CRACR2A: variants seen among roughly 807,000 people sequenced by gnomAD.
The protein encoded by CRACR2A is calcium release activated channel regulator 2A, also known as EF-hand calcium-binding domain-containing protein 4B.
In CRACR2A, 79 loss-of-function variants were observed where a neutral mutation model predicts 90.5. The ratio of observed to expected loss-of-function variants is 0.87; its 90% confidence interval spans 0.73 to 1.05. The LOEUF (loss-of-function observed/expected upper bound fraction) is 1.05, where lower values mean the gene tolerates loss of function less well. Ranked by LOEUF, CRACR2A falls within the 50% of genes least tolerant of loss-of-function variation. The probability of loss-of-function intolerance (pLI) is 0.00; values close to 1 mark genes in which losing one functional copy is unlikely to be tolerated. For missense variants in CRACR2A, 823 were observed against 897.2 expected, an observed-to-expected ratio of 0.92 and a Z score of 1.06; for synonymous variants, 338 against 356.7, an observed-to-expected ratio of 0.95 and a Z score of 0.59.
intron 4 of CRACR2A, among the ~76,000 whole-genome samples, chr12:3,684,513 C>T (rs1036782623): frequency 4.6e-5 from 7 of 152,178 alleles, no homozygotes; most frequent in African/African-American, 1.7e-4. Flanking sequence ...TAGCCTTTGC[C>T]TGCTAAACGC....
At chr12:3,658,026 A>G (rs1258422858) in intron 8 of CRACR2A, among the ~76,000 whole-genome samples, 5 of 152,198 alleles carry the variant, frequency 3.3e-5, no homozygotes, top group Non-Finnish European at 1.5e-5. Flanking sequence ...CTAATGGCTT[A>G]ATAGTGCTGC....
intron 17 of CRACR2A, among the ~76,000 whole-genome samples, chr12:3,626,466 A>C (rs1246355493): frequency 6.6e-6 from 1 of 152,232 alleles, no homozygotes; most frequent in Non-Finnish European, 1.5e-5. Flanking sequence ...CAGCATGATA[A>C]ATATGTGATG....
At chr12:3,692,659 C>A (rs1007858740) in intron 4 of CRACR2A, among the ~76,000 whole-genome samples, 4 of 152,104 alleles carry the variant, frequency 2.6e-5, no homozygotes, top group African/African-American at 9.7e-5. Flanking sequence ...GTGGCAGCAG[C>A]ATGGTGGGGT....
intron 19 of CRACR2A, among the ~76,000 whole-genome samples, chr12:3,616,340 G>C (rs1488292814): frequency 2.0e-5 from 3 of 152,264 alleles, no homozygotes; most frequent in Non-Finnish European, 4.4e-5. Context: ...TGAAGGCCTA[G>C]ATGGATGAAT....
intron 1 of CRACR2A, among the ~76,000 whole-genome samples, chr12:3,736,653 C>T (rs1946455442): frequency 6.6e-6 from 1 of 152,060 alleles, no homozygotes; most frequent in South Asian, 2.1e-4. Context: ...TCATGCAGGA[C>T]ACTAACATTT....
At chr12:3,645,537 G>A (rs1303972290) in intron 11 of CRACR2A, among the ~76,000 whole-genome samples, 2 of 152,198 alleles carry the variant, frequency 1.3e-5, no homozygotes, top group African/African-American at 2.4e-5. Flanking sequence ...AGATGGCAAA[G>A]AAGTGTCAAG....
At chr12:3,734,946 A>C (rs1318536431) in intron 1 of CRACR2A, among the ~76,000 whole-genome samples, 2 of 152,182 alleles carry the variant, frequency 1.3e-5, no homozygotes, top group Admixed American at 1.3e-4. Context: ...CTAGAGATCT[A>C]ATGTACAGCA....
At chr12:3,744,908 G>C (rs1389233759) in intron 1 of CRACR2A, among the ~76,000 whole-genome samples, 1 of 152,116 alleles carries the variant, frequency 6.6e-6, no homozygotes, top group Non-Finnish European at 1.5e-5. Flanking sequence ...CCACTGCGCA[G>C]TATACTTAAA....
chr12:3,636,644 A>G (rs1944459432), intron 14 of CRACR2A, among the ~76,000 whole-genome samples: 1 of 152,158 alleles, frequency 6.6e-6, no homozygotes, highest in Non-Finnish European at 1.5e-5. Flanking sequence ...TTTTACGGGG[A>G]CATCTTGGAG....
At chr12:3,694,771 C>T (rs569157835) in intron 4 of CRACR2A, among the ~76,000 whole-genome samples, 5 of 152,338 alleles carry the variant, frequency 3.3e-5, no homozygotes, top group East Asian at 3.9e-4. Flanking sequence ...CCTCTCTTGA[C>T]AGCACTTGCC....
At chr12:3,661,395 T>G (rs1010639275) in intron 7 of CRACR2A, among the ~76,000 whole-genome samples, 10 of 152,148 alleles carry the variant, frequency 6.6e-5, no homozygotes, top group African/African-American at 2.4e-4. Flanking sequence ...GACTGTACAG[T>G]AACGGTCCAG....
At chr12:3,742,725 G>A (rs150757484) in intron 1 of CRACR2A, among the ~76,000 whole-genome samples, 86 of 152,316 alleles carry the variant, frequency 5.6e-4, no homozygotes, top group African/African-American at 2.0e-3. Context: ...GACACTCATG[G>A]AACAGTCCTC....
In CRACR2A at chr12:3,645,403, G is replaced by A. The variant is rs147344726; in HGVS notation, c.1119-763C>T. On this transcript the variant is annotated intron_variant, in intron 11 of 19. Transcript: ENST00000440314. ...AGGGAGAGTAGTTAGGAGATGAAGC[G>A]AGAGAAAAAGTGGATGGTGGTCAGG... 4.7e-3 allele frequency among the ~76,000 whole-genome samples: 719 copies of A among 152,254 alleles called. 9 individuals carry two copies. The highest frequency in any genetic ancestry group is 0.033 in the East Asian group (171 of 5,178).
chr12:3,683,471 C>T (rs2087665566), intron 4 of CRACR2A, among the ~76,000 whole-genome samples: 1 of 152,150 alleles, frequency 6.6e-6, no homozygotes, highest in African/African-American at 2.4e-5. Context: ...TTCGTACTGC[C>T]CATGGCCCTG....
At chr12:3,625,027 T>C (rs1447839921) in intron 17 of CRACR2A, among the ~76,000 whole-genome samples, 1 of 152,208 alleles carries the variant, frequency 6.6e-6, no homozygotes, top group Non-Finnish European at 1.5e-5. Flanking sequence ...CGTGTGATCC[T>C]GATGTTCACC....
chr12:3,664,432 CT>C (rs548458543), intron 7 of CRACR2A, among the ~76,000 whole-genome samples: 9 of 151,370 alleles, frequency 5.9e-5, no homozygotes, highest in African/African-American at 7.3e-5. Flanking sequence ...AGTCTAAAGT[CT>C]TTTTTTTTAT....
chr12:3,620,529 T>C (rs1486778569), intron 17 of CRACR2A, among the ~76,000 whole-genome samples: 4 of 152,222 alleles, frequency 2.6e-5, no homozygotes, highest in African/African-American at 9.6e-5. Flanking sequence ...TGTGCATTCG[T>C]TTTTACTGCC....
intron 17 of CRACR2A, among the ~76,000 whole-genome samples, chr12:3,626,881 C>G (rs1366541148): frequency 2.0e-5 from 3 of 152,204 alleles, no homozygotes; most frequent in Non-Finnish European, 2.9e-5. Context: ...TGCCAAGACT[C>G]TTGATTTTGA....
At chr12:3,629,409 C>T (rs967683343) in intron 15 of CRACR2A, among the ~76,000 whole-genome samples, 2 of 152,186 alleles carry the variant, frequency 1.3e-5, no homozygotes, top group African/African-American at 4.8e-5. Flanking sequence ...TTCTTCCTGG[C>T]TAGAAGTGGA....
Sources: gnomAD v4.1 joint callset for allele counts (sites outside exome capture counted in the v4.1 genomes callset) on GRCh38, gnomAD v4.1.1 for gene constraint, MANE v1.5 for transcripts, NCBI Gene and HGNC (gene_info 2026-07-23, HGNC 2026-07-21) for gene names.